Variants in FRMD3 observed in about 807,000 individuals in gnomAD.
The protein encoded by FRMD3 is FERM domain-containing protein 3.
FRMD3 carries 33 observed loss-of-function variants against 70.2 expected under a neutral mutation model. The ratio of observed to expected loss-of-function variants is 0.47; its 90% confidence interval spans 0.36 to 0.63. FRMD3 has a LOEUF of 0.63. Ranked by LOEUF, FRMD3 falls within the 20% of genes least tolerant of loss-of-function variation. The probability of loss-of-function intolerance (pLI) is 0.00; values close to 1 mark genes in which losing one functional copy is unlikely to be tolerated. For missense variants in FRMD3, 632 were observed against 711.4 expected, an observed-to-expected ratio of 0.89 and a Z score of 1.27; for synonymous variants, 279 against 255.9, an observed-to-expected ratio of 1.09 and a Z score of -0.86.
At chr9:83,492,838 G>A (rs1223995297) in intron 1 of FRMD3, among the ~76,000 whole-genome samples, 2 of 152,168 alleles carry the variant, frequency 1.3e-5, no homozygotes, top group African/African-American at 2.4e-5. Flanking sequence ...CAGAGTCACT[G>A]TATGGGTTGA....
intron 1 of FRMD3, among the ~76,000 whole-genome samples, chr9:83,488,972 T>TTGTGTGTGTGTGTGTGTGTGTGTGTG (rs4014025): frequency 8.8e-5 from 12 of 135,632 alleles, no homozygotes; most frequent in African/African-American, 1.1e-4. Flanking sequence ...CCCTATACCT[T>TTGTGTGTGTGTGTGTGTGTGTGTGTG]TGTGTGTGTG....
intron 3 of FRMD3, among the ~76,000 whole-genome samples, chr9:83,371,165 A>G (rs1055086770): frequency 5.3e-5 from 8 of 152,218 alleles, no homozygotes; most frequent in Non-Finnish European, 1.2e-4. Flanking sequence ...ACTGAAAAAT[A>G]GTCTAAATAT....
chr9:83,273,017 G>T (rs964376264), intron 13 of FRMD3, among the ~76,000 whole-genome samples: 3 of 138,150 alleles, frequency 2.2e-5, no homozygotes, highest in African/African-American at 8.3e-5. Context: ...GTGGGGGGCA[G>T]CCCCCACCCA....
Position 83,248,279 on chromosome 9 carries a change from T to C in FRMD3, c.1433A>G (p.Glu478Gly), listed in dbSNP as rs1264405264. The change falls in exon 14 of 14, where the codon GAA becomes GGA. Residue 478 changes from glutamate to glycine, a missense_variant. By Grantham distance (98) the Glu-to-Gly change is moderately conservative. Coordinates refer to ENST00000304195, the MANE Select transcript of FRMD3 (RefSeq NM_174938.6). ...DCPSRLELEREDTDSFEDLEA... is the reference protein window; with the variant it reads ...DCPSRLELERGDTDSFEDLEA... ...CAGATCCTCAAATGAATCTGTGTCTTCTCTTTCCAACTCAAGCCTAGAAGG... is the reference window on the plus strand; with the variant it reads ...CAGATCCTCAAATGAATCTGTGTCTCCTCTTTCCAACTCAAGCCTAGAAGG... 1 of 1,614,182 alleles carries C rather than the reference T, an allele frequency of 6.2e-7. No individual in the cohort carries two copies. Among genetic ancestry groups the C allele is most frequent in the Admixed American group, 1.7e-5 (1 of 60,018 alleles).
intron 1 of FRMD3, among the ~76,000 whole-genome samples, chr9:83,509,147 G>A (rs960567527): frequency 1.3e-5 from 2 of 151,968 alleles, no homozygotes; most frequent in African/African-American, 2.4e-5. Context: ...TGTTTTTTCC[G>A]TAGCTGTATC....
rs115819324 is a variant in FRMD3, at chr9:83,401,713, A to T, written c.148-12005T>A. Among the ~76,000 whole-genome samples, 643 of 152,350 alleles carry T rather than the reference A, an allele frequency of 4.2e-3. 10 individuals carry two copies. The highest frequency in any genetic ancestry group is 0.014 in the African/African-American group (578 of 41,584). On this transcript the variant is annotated intron_variant, in intron 1 of 13. Transcript: ENST00000304195. ...CAGTCAACACAGCAGCAGGAAAGGA[A>T]TGTGGTGAGTCCCACACCAGCTTCT...
chr9:83,311,813 C>A, intron 8 of FRMD3, 74 bp downstream of exon 8: 1 of 1,052,938 alleles, frequency 9.5e-7, no homozygotes, highest in Non-Finnish European at 1.5e-6. Context: ...GACACTTGCC[C>A]GAGAAGCCAA....
intron 1 of FRMD3, among the ~76,000 whole-genome samples, chr9:83,402,898 CTTTTT>C (rs559570925): frequency 4.6e-5 from 4 of 87,294 alleles, no homozygotes; most frequent in Admixed American, 1.5e-4. Flanking sequence ...TTCTTTCTTT[CTTTTT>C]TTTTTTTTTT....
intron 1 of FRMD3, among the ~76,000 whole-genome samples, chr9:83,492,639 G>A (rs949832042): frequency 6.6e-6 from 1 of 152,172 alleles, no homozygotes; most frequent in Non-Finnish European, 1.5e-5. Flanking sequence ...TGGGGGGCAG[G>A]TGCCCCAACT....
the FRMD3 span, among the ~76,000 whole-genome samples, chr9:83,545,103 G>A: frequency 6.6e-6 from 1 of 151,976 alleles, no homozygotes; most frequent in Non-Finnish European, 1.5e-5. Context: ...TGAGATCCAA[G>A]AGAAAGTTGA....
intron 2 of FRMD3, among the ~76,000 whole-genome samples, chr9:83,388,808 G>A (rs1271910245): frequency 2.0e-5 from 3 of 152,054 alleles, no homozygotes; most frequent in Admixed American, 6.6e-5. Context: ...TTCACATAAC[G>A]AAATTAACCA....
chr9:83,535,681 C>T (rs966083697), intron 1 of FRMD3, among the ~76,000 whole-genome samples: 1 of 151,932 alleles, frequency 6.6e-6, no homozygotes, highest in Non-Finnish European at 1.5e-5. Flanking sequence ...TGGCCCAAGA[C>T]AATTCTTCTT....
At chr9:83,253,199 C>A (rs1329007484) in intron 13 of FRMD3, among the ~76,000 whole-genome samples, 1 of 152,138 alleles carries the variant, frequency 6.6e-6, no homozygotes, top group Non-Finnish European at 1.5e-5. Context: ...CAAATTAAAA[C>A]TCAAGATTAA....
chr9:83,507,708 A>ATC, intron 1 of FRMD3, among the ~76,000 whole-genome samples: 1 of 88,602 alleles, frequency 1.1e-5, no homozygotes, highest in South Asian at 4.1e-4. Flanking sequence ...ATATATATAT[A>ATC]TATATATATA....
Position 83,478,576 on chromosome 9 carries a change from G to A in FRMD3, c.147+59509C>T, listed in dbSNP as rs1162677319. Among the ~76,000 whole-genome samples, 6 of 152,106 alleles carry A rather than the reference G, an allele frequency of 3.9e-5. No homozygotes were observed. The East Asian group carries it at 1.2e-3, about 29-fold the overall frequency. ...GAATGTAAAATGGTGCAGCCACTGTGGAAAACAGTATGGCACTTCCTCAAA... is the reference window on the plus strand; with the variant it reads ...GAATGTAAAATGGTGCAGCCACTGTAGAAAACAGTATGGCACTTCCTCAAA... On this transcript the variant is annotated intron_variant, in intron 1 of 13. Coordinates refer to ENST00000304195, the MANE Select transcript of FRMD3 (RefSeq NM_174938.6).
Position 83,343,258 on chromosome 9 carries a change from T to A in FRMD3, c.404A>T (p.Asp135Val). 1 of 1,613,424 alleles carries A rather than the reference T, an allele frequency of 6.2e-7. No homozygotes were observed. Among genetic ancestry groups the A allele is most frequent in the Non-Finnish European group, 8.5e-7 (1 of 1,179,366 alleles). ...RYLLYLQIKRDIFHGRLLCSF... is the reference protein window; with the variant it reads ...RYLLYLQIKRVIFHGRLLCSF... ...GCACAGCAGGCGGCCATGAAAAATGTCCCTTTTAATCTGAAGGTATAAAAG... is the reference window on the plus strand; with the variant it reads ...GCACAGCAGGCGGCCATGAAAAATGACCCTTTTAATCTGAAGGTATAAAAG... The change falls in exon 5 of 14, where the codon GAC becomes GTC. Residue 135 changes from aspartate (D) to valine (V), a missense_variant. Asp to Val is a radical substitution (Grantham distance 152, BLOSUM62 -3). Transcript: ENST00000304195.
chr9:83,457,707 G>T (rs897517884), intron 1 of FRMD3, among the ~76,000 whole-genome samples: 1 of 152,060 alleles, frequency 6.6e-6, no homozygotes, highest in African/African-American at 2.4e-5. Flanking sequence ...TTTTATCCGT[G>T]GTTGGTTGGC....
intron 13 of FRMD3, among the ~76,000 whole-genome samples, chr9:83,284,292 A>G (rs995288970): frequency 1.3e-5 from 2 of 152,012 alleles, no homozygotes; most frequent in Non-Finnish European, 2.9e-5. Flanking sequence ...GTTTCATGGG[A>G]CGTAACACAA....
chr9:83,487,742 C>T (rs10868020), intron 1 of FRMD3, among the ~76,000 whole-genome samples: 23,285 of 152,066 alleles, frequency 0.15, 2,050 homozygotes, highest in East Asian at 0.32. Flanking sequence ...GAGGAGAGAA[C>T]AATGAAGAGG....
Sources: allele counts gnomAD v4.1 joint callset (sites outside exome capture counted in the v4.1 genomes callset), GRCh38; gene constraint gnomAD v4.1.1; transcripts MANE v1.5; gene names NCBI Gene and HGNC (gene_info 2026-07-23, HGNC 2026-07-21).